The following PTPN11 variants were observed in gnomAD, a reference collection of about 807,000 sequenced individuals.
PTPN11 encodes tyrosine-protein phosphatase non-receptor type 11.
A neutral mutation model predicts 78.8 loss-of-function variants in PTPN11; 6 were observed. That is an observed-to-expected ratio of 0.08 (90% confidence interval 0.04 to 0.15). PTPN11 has a LOEUF of 0.15. Among genes scored for constraint, PTPN11 ranks in the 10% least tolerant of loss-of-function variants. The probability of loss-of-function intolerance (pLI) is 1.00; values close to 1 mark genes in which losing one functional copy is unlikely to be tolerated. For synonymous variants in PTPN11, 221 were observed against 263.5 expected (o/e 0.84, Z 1.56); for missense variants, 386 against 744.8 (o/e 0.52, Z 5.61).
chr12:112,445,071 G>A (rs2037969932), intron 1 of PTPN11, among the ~76,000 whole-genome samples: 1 of 152,126 alleles, frequency 6.6e-6, no homozygotes, highest in Non-Finnish European at 1.5e-5. Flanking sequence ...ATATATGTGT[G>A]TGTGTGTGTG....
Position 112,508,202 on chromosome 12 carries a change from A to C in PTPN11, c.*2410A>C, listed in dbSNP as rs1379303210. On this transcript the variant is annotated 3_prime_UTR_variant, in exon 16 of 16. Transcript: ENST00000351677. ...TGGCTAGTTTTGTTATAAGATATTGATTTCATTTAGATTTCCCTCCACGAG... is the reference window on the plus strand; with the variant it reads ...TGGCTAGTTTTGTTATAAGATATTGCTTTCATTTAGATTTCCCTCCACGAG... 6.6e-6 allele frequency: 1 copy of C among 152,630 alleles called. No homozygotes were observed. Among genetic ancestry groups the C allele is most frequent in the African/African-American group, 2.4e-5 (1 of 41,464 alleles). The allele number at this position is 152,630 out of a possible 1,614,324, so 9.5% of individuals were successfully genotyped here.
At position 112,509,892 on chromosome 12, in the gene PTPN11, A is replaced by G. The variant is rs1566196257; in HGVS notation, c.*4100A>G. The G allele has an allele frequency of 6.6e-6, 1 of 152,386 alleles. No individual in the cohort carries two copies. Among genetic ancestry groups the G allele is most frequent in the Non-Finnish European group, 1.5e-5 (1 of 68,040 alleles). The allele number at this position is 152,386 out of a possible 1,614,324, so 9.4% of individuals were successfully genotyped here. Reference sequence around the variant, plus strand: ...ACTGTATGGGAACTAAAAATTAGGAATAAAACCATTTTCTTATATGATGGC... The same window carrying G: ...ACTGTATGGGAACTAAAAATTAGGAGTAAAACCATTTTCTTATATGATGGC... On this transcript the variant is annotated 3_prime_UTR_variant, in exon 16 of 16. Coordinates refer to ENST00000351677, the MANE Select transcript of PTPN11 (RefSeq NM_002834.5).
chr12:112,480,366 CTT>C (rs570561435), intron 9 of PTPN11, among the ~76,000 whole-genome samples: 34 of 130,238 alleles, frequency 2.6e-4, no homozygotes, highest in Admixed American at 2.3e-4. Context: ...CCACATCGTT[CTT>C]TTTTTTTTTT....
At chr12:112,473,419 C>T (rs569570831) in intron 7 of PTPN11, among the ~76,000 whole-genome samples, 14 of 152,274 alleles carry the variant, frequency 9.2e-5, no homozygotes, top group Admixed American at 2.6e-4. Context: ...GTAAGGCCTG[C>T]CTCCTTTCTG....
At chr12:112,458,586 T>G (rs902296368) in intron 6 of PTPN11, among the ~76,000 whole-genome samples, 2 of 152,190 alleles carry the variant, frequency 1.3e-5, no homozygotes, top group African/African-American at 4.8e-5. Flanking sequence ...TGCTCAACAT[T>G]ACTGAACAGA....
chr12:112,478,033 C>T lies in PTPN11; in HGVS notation c.1092+18C>T. 1 of 1,613,534 alleles carries T rather than the reference C, an allele frequency of 6.2e-7. No homozygotes were observed. Among genetic ancestry groups the T allele is most frequent in the Non-Finnish European group, 8.5e-7 (1 of 1,179,590 alleles). On this transcript the variant is annotated intron_variant, in intron 9 of 15. Transcript: ENST00000351677. Reference sequence around the variant, plus strand: ...GAGGAAAGGTAAATCACAGAAACTTCTTTTCTGCTAAACTGTTTTTAAAGT... The same window carrying T: ...GAGGAAAGGTAAATCACAGAAACTTTTTTTCTGCTAAACTGTTTTTAAAGT...
chr12:112,464,581 C>T (rs1427076901), intron 6 of PTPN11, among the ~76,000 whole-genome samples: 1 of 152,060 alleles, frequency 6.6e-6, no homozygotes, highest in Non-Finnish European at 1.5e-5. Context: ...TACCACCACT[C>T]TCAGCTAATT....
At chr12:112,483,775 A>G (rs913648609) in intron 10 of PTPN11, among the ~76,000 whole-genome samples, 8 of 152,170 alleles carry the variant, frequency 5.3e-5, no homozygotes, top group Non-Finnish European at 1.2e-4. Flanking sequence ...CTGGAGGCAG[A>G]CATGCAGGGA....
rs1384369483 is a variant in PTPN11 at position 112,508,817 on chromosome 12, A to AATGGG, written c.*3026_*3030dup. On this transcript the variant is annotated 3_prime_UTR_variant, in exon 16 of 16. Transcript: ENST00000351677. The stretch of plus-strand genomic sequence containing the variant: ...ACCAAGGTCTTTTCAAATGTGGCTA[A>AATGGG]ATGGGGATGAGGAGACACGGGTAGG... The AATGGG allele has an allele frequency of 6.6e-6, 1 of 152,160 alleles. No individual in the cohort carries two copies. The highest frequency in any genetic ancestry group is 2.4e-5 in the African/African-American group (1 of 41,422). 9.4% of individuals were successfully genotyped at this position (152,160 alleles called of 1,614,324 possible).
chr12:112,422,164 G>T (rs771281547), intron 1 of PTPN11, among the ~76,000 whole-genome samples: 47 of 152,224 alleles, frequency 3.1e-4, no homozygotes, highest in Non-Finnish European at 5.1e-4. Context: ...GAAGGTGATC[G>T]TGTGAGCTGA....
intron 1 of PTPN11, among the ~76,000 whole-genome samples, chr12:112,440,997 G>T (rs938827617): frequency 7.2e-6 from 1 of 139,326 alleles, no homozygotes; most frequent in African/African-American, 2.7e-5. Context: ...GGAGTTTTGC[G>T]TTGTTGCCCA....
chr12:112,482,306 G>A lies in PTPN11; in HGVS notation c.1224+101G>A, dbSNP rs1176114403. ...CATGTTTGCATACATGCATGCATTC[G>A]CTCACTCATTGATTCAGTAGCCATT... On this transcript the variant is annotated intron_variant, in intron 10 of 15. Transcript: ENST00000351677. The surrounding 1 kb of genome is among the most constrained non-coding windows in gnomAD (Gnocchi z 4.4). The A allele has an allele frequency of 5.5e-5, 75 of 1,356,966 alleles. No homozygotes were observed. Among genetic ancestry groups the A allele is most frequent in the Non-Finnish European group, 7.3e-5 (70 of 954,450 alleles). The allele number at this position is 1,356,966 out of a possible 1,614,324, so 84.1% of individuals were successfully genotyped here. A position where few individuals can be genotyped will look rare whatever the true frequency, so the allele number is the denominator to read the frequency against.
At chr12:112,462,627 C>A (rs2038265523) in intron 6 of PTPN11, among the ~76,000 whole-genome samples, 1 of 152,098 alleles carries the variant, frequency 6.6e-6, no homozygotes, top group South Asian at 2.1e-4. Context: ...CATTATATTT[C>A]AAAAATATAA....
intron 13 of PTPN11, among the ~76,000 whole-genome samples, chr12:112,491,661 C>A (rs1409299601): frequency 5.3e-5 from 8 of 152,142 alleles, no homozygotes; most frequent in Admixed American, 5.2e-4. Context: ...CTGCTAGTAT[C>A]TTTTATGGGT....
At chr12:112,484,452 C>T (rs529040579) in intron 10 of PTPN11, among the ~76,000 whole-genome samples, 2 of 152,276 alleles carry the variant, frequency 1.3e-5, no homozygotes, top group East Asian at 3.9e-4. Context: ...TAGAGAGAGA[C>T]TGTCCCCAGA....
intron 9 of PTPN11, among the ~76,000 whole-genome samples, chr12:112,481,167 A>G (rs746217853): frequency 2.0e-5 from 3 of 152,144 alleles, no homozygotes; most frequent in Non-Finnish European, 2.9e-5. Flanking sequence ...AGTTATTCAC[A>G]CTTGGGTTAG....
chr12:112,425,355 C>CT (rs1315071762), intron 1 of PTPN11, among the ~76,000 whole-genome samples: 2 of 151,384 alleles, frequency 1.3e-5, no homozygotes, highest in African/African-American at 4.9e-5. Context: ...CTATTGATGC[C>CT]TTTTTTTTCA....
At chr12:112,465,393 C>T (rs1445993637) in intron 6 of PTPN11, among the ~76,000 whole-genome samples, 2 of 151,324 alleles carry the variant, frequency 1.3e-5, no homozygotes, top group African/African-American at 4.9e-5. Context: ...TGAGATTGTG[C>T]CACTGCACTC....
Position 112,482,352 on chromosome 12 carries a change from C to G in PTPN11, c.1224+147C>G, listed in dbSNP as rs1488347257. On this transcript the variant is annotated intron_variant, in intron 10 of 15. Transcript: ENST00000351677. This position sits in a 1 kb window ranked among gnomAD's most constrained non-coding sequence, Gnocchi z 4.4. ...CCATTTATTAGCTTCCTTCTATGTG[C>G]CAGGTACAGTTTAAGCAGTACTGGT... 3.7e-5 allele frequency: 35 copies of G among 945,496 alleles called. No homozygotes were observed. The highest frequency in any genetic ancestry group is 5.1e-5 in the Non-Finnish European group (31 of 605,398). The allele number at this position is 945,496 out of a possible 1,614,324, so 58.6% of individuals were successfully genotyped here.
Sources: gnomAD v4.1 joint callset for allele counts (sites outside exome capture counted in the v4.1 genomes callset) on GRCh38, gnomAD v4.1.1 for gene constraint, Gnocchi (gnomAD v3.1) non-coding constraint, MANE v1.5 for transcripts, NCBI Gene and HGNC (gene_info 2026-07-23, HGNC 2026-07-21) for gene names.